Variants in RFX2 observed in about 807,000 individuals in gnomAD.
RFX2 encodes DNA-binding protein RFX2.
A neutral mutation model predicts 87.8 loss-of-function variants in RFX2; 20 were observed. The ratio of observed to expected loss-of-function variants is 0.23; its 90% confidence interval spans 0.16 to 0.33. The LOEUF is 0.33. RFX2 is among the 10% of genes least tolerant of loss of function. The pLI is 1.00. For missense variants in RFX2, 767 were observed against 1,012.3 expected (o/e 0.76, Z 3.29); for synonymous variants, 397 against 431.3 (o/e 0.92, Z 0.98).
intron 1 of RFX2, among the ~76,000 whole-genome samples, chr19:6,062,556 C>CG (rs2087451255): frequency 6.6e-6 from 1 of 152,160 alleles, no homozygotes; most frequent in African/African-American, 2.4e-5. Context: ...GTGGAGCTTC[C>CG]GTCTCTTTTC....
At chr19:6,071,164 A>G (rs2087601089) in intron 1 of RFX2, among the ~76,000 whole-genome samples, 1 of 152,260 alleles carries the variant, frequency 6.6e-6, no homozygotes, top group Non-Finnish European at 1.5e-5. Context: ...CTTAAATAAG[A>G]AAGTGTTAGA....
At position 6,041,658 on chromosome 19, in the gene RFX2, G is replaced by C. The variant is rs368957131; in HGVS notation, c.260+386C>G. On this transcript the variant is annotated intron_variant, in intron 4 of 17. Transcript: ENST00000303657. ...TTTTCTAAAAGTAAAAAGTACAAAA[G>C]TCTGTGATTTCTGAAATCTCCACAG... 3.0e-4 allele frequency among the ~76,000 whole-genome samples: 44 copies of C among 147,362 alleles called. No individual in the cohort carries two copies. In the East Asian group the frequency reaches 5.6e-3, roughly 19 times the overall value.
chr19:6,004,884 C>T lies in RFX2; in HGVS notation c.1403-586G>A, dbSNP rs1193993288. The stretch of plus-strand genomic sequence containing the variant: ...CTGTAGTCCCAGCACTTTGGGAGGC[C>T]GAGGTGGGCGGATCACCTGAGGTCC... On this transcript the variant is annotated intron_variant, in intron 12 of 17. Coordinates refer to ENST00000303657, the MANE Select transcript of RFX2 (RefSeq NM_000635.4). The surrounding 1 kb of genome is among the most constrained non-coding windows in gnomAD (Gnocchi z 4.8). Among the ~76,000 whole-genome samples, 6 of 151,848 alleles carry T rather than the reference C, an allele frequency of 4.0e-5. No homozygotes were observed. Among genetic ancestry groups the T allele is most frequent in the African/African-American group, 1.2e-4 (5 of 41,390 alleles).
At position 6,109,496 on chromosome 19, in the gene RFX2, A is replaced by G. The variant is rs1177835720; in HGVS notation, c.-9+897T>C. Reference sequence around the variant, plus strand: ...ACCAGCTTTTAGTTAAGGAATGAGAAAAAGGTTCCAGGGGTGCCCCCAAAT... The same window carrying G: ...ACCAGCTTTTAGTTAAGGAATGAGAGAAAGGTTCCAGGGGTGCCCCCAAAT... On this transcript the variant is annotated intron_variant, in intron 1 of 17. Transcript: ENST00000303657. The G allele has an allele frequency of 2.0e-5, 3 of 152,268 alleles. No homozygotes were observed. The East Asian group carries it at 5.8e-4, about 29-fold the overall frequency. The allele number at this position is 152,268 out of a possible 1,614,324, so 9.4% of individuals were successfully genotyped here.
rs550000087 is a variant in RFX2, at chr19:6,044,260, C to A, written c.113G>T (p.Ser38Ile). 5.7e-6 allele frequency: 9 copies of A among 1,566,712 alleles called. No homozygotes were observed. In the East Asian group the frequency reaches 1.7e-4, roughly 29 times the overall value. The change falls in exon 3 of 18, where the codon AGC becomes ATC. Residue 38 changes from serine (S) to isoleucine (I), a missense_variant. Ser to Ile is a moderately radical substitution (Grantham distance 142, BLOSUM62 -2). Transcript: ENST00000303657. This position sits in a 1 kb window ranked among gnomAD's most constrained non-coding sequence, Gnocchi z 5.3. ...CATCTGGGCCCCTTTGGGATTGGAG[C>A]TGGCTGCCTGGACCAACACCCTCTA... is the stretch of plus-strand genomic sequence containing the variant. ...SPQRVLVQAASSNPKGAQMQP... is the reference protein window; with the variant it reads ...SPQRVLVQAAISNPKGAQMQP...
At chr19:6,046,180 A>C (rs1043146871) in intron 2 of RFX2, among the ~76,000 whole-genome samples, 5 of 152,208 alleles carry the variant, frequency 3.3e-5, no homozygotes, top group African/African-American at 1.2e-4. Flanking sequence ...CCACGGTAGA[A>C]ATCCAGGAGC....
chr19:6,027,193 G>A lies in RFX2; in HGVS notation c.523-956C>T, dbSNP rs963336856. 6.6e-6 allele frequency: 1 copy of A among 152,264 alleles called. No individual in the cohort carries two copies. The highest frequency in any genetic ancestry group is 1.5e-5 in the Non-Finnish European group (1 of 68,056). The allele number at this position is 152,264 out of a possible 1,614,324, so 9.4% of individuals were successfully genotyped here. A position where few individuals can be genotyped will look rare whatever the true frequency, so the allele number is the denominator to read the frequency against. On this transcript the variant is annotated intron_variant, in intron 5 of 17. Coordinates refer to ENST00000303657, the MANE Select transcript of RFX2 (RefSeq NM_000635.4). This position sits in a 1 kb window ranked among gnomAD's most constrained non-coding sequence, Gnocchi z 5.0. Reference sequence around the variant, plus strand: ...GACACTTCTGCAAAGAGCAGGTTGAGTGTGTATTTCAGAGAGCAGGCGAGC... The same window carrying A: ...GACACTTCTGCAAAGAGCAGGTTGAATGTGTATTTCAGAGAGCAGGCGAGC...
chr19:6,103,931 T>C (rs2088168433), intron 1 of RFX2, among the ~76,000 whole-genome samples: 2 of 152,156 alleles, frequency 1.3e-5, no homozygotes, highest in African/African-American at 2.4e-5. Flanking sequence ...ATAATAATAA[T>C]AACAACAGTT....
intron 1 of RFX2, among the ~76,000 whole-genome samples, chr19:6,057,501 T>C (rs2087362812): frequency 6.6e-6 from 1 of 152,194 alleles, no homozygotes; most frequent in Non-Finnish European, 1.5e-5. Context: ...GTCACCTGCC[T>C]CACATAGTTC....
chr19:6,046,605 C>CTTTTTTTTTTTTTTTTTTTTTT, intron 2 of RFX2, among the ~76,000 whole-genome samples: 1 of 90,564 alleles, frequency 1.1e-5, no homozygotes, highest in Non-Finnish European at 2.3e-5. Flanking sequence ...GCCTTTTTGC[C>CTTTTTTTTTTTTTTTTTTTTTT]TTTTTTTTTT....
intron 1 of RFX2, chr19:6,057,369 G>C (rs1303541057): frequency 1.3e-5 from 2 of 152,376 alleles, no homozygotes; most frequent in Non-Finnish European, 2.9e-5. Context: ...GCAATGTCAG[G>C]AAAGGAAATG....
chr19:6,106,181 G>T (rs1271867294), intron 1 of RFX2, among the ~76,000 whole-genome samples: 1 of 152,010 alleles, frequency 6.6e-6, no homozygotes, highest in African/African-American at 2.4e-5. Flanking sequence ...AAGCAAGTAG[G>T]TGGTTTTCAG....
rs1599861839 is a variant in RFX2, at chr19:6,024,060, G to A, written c.597+2103C>T. Among the ~76,000 whole-genome samples, 1 of 152,144 alleles carries A rather than the reference G, an allele frequency of 6.6e-6. No individual in the cohort carries two copies. Among genetic ancestry groups the A allele is most frequent in the African/African-American group, 2.4e-5 (1 of 41,428 alleles). On this transcript the variant is annotated intron_variant, in intron 6 of 17. Coordinates refer to ENST00000303657, the MANE Select transcript of RFX2 (RefSeq NM_000635.4). The surrounding 1 kb of genome is among the most constrained non-coding windows in gnomAD (Gnocchi z 5.0). ...CTCCCAAACTGCTGGGATTACAGGC[G>A]TGAGCCACCGTGCCCAGCCCATTTT...
chr19:6,028,014 G>A (rs1358084449), intron 5 of RFX2, among the ~76,000 whole-genome samples: 4 of 151,954 alleles, frequency 2.6e-5, no homozygotes, highest in Non-Finnish European at 4.4e-5. Context: ...CGCCCACCTC[G>A]GCCTCCCAAA....
intron 6 of RFX2, among the ~76,000 whole-genome samples, chr19:6,019,512 ATGTGTGTGTGTGTG>A (rs147877773): frequency 1.6e-5 from 2 of 126,990 alleles, no homozygotes; most frequent in South Asian, 2.5e-4. Context: ...GTGTGTGAGT[ATGTGTGTGTGTGTG>A]TGTGTGTGTG....
chr19:6,099,740 G>A (rs1293012765), intron 1 of RFX2, among the ~76,000 whole-genome samples: 4 of 152,196 alleles, frequency 2.6e-5, no homozygotes, highest in Non-Finnish European at 5.9e-5. Flanking sequence ...ACCTGTCGAA[G>A]TGGCCTTGCA....
intron 5 of RFX2, among the ~76,000 whole-genome samples, chr19:6,035,850 G>GGTGT (rs34008943): frequency 0.013 from 1,743 of 137,210 alleles, 17 homozygotes; most frequent in South Asian, 0.045. Flanking sequence ...CTTGGTGGGG[G>GGTGT]GTGTGTGTGT....
At chr19:6,060,652 C>T (rs948363126) in intron 1 of RFX2, among the ~76,000 whole-genome samples, 7 of 152,146 alleles carry the variant, frequency 4.6e-5, no homozygotes, top group East Asian at 1.9e-4. Flanking sequence ...GAGGTCCTCA[C>T]GGGGCAGTTT....
Position 6,105,762 on chromosome 19 carries a change from T to C in RFX2, c.-9+4631A>G, listed in dbSNP as rs542619298. Among the ~76,000 whole-genome samples the C allele has an allele frequency of 2.0e-5, 3 of 152,114 alleles. No homozygotes were observed. In the South Asian group the frequency reaches 6.2e-4, roughly 32 times the overall value. ...AGGTGGAGTCAACAGGATTTGCTGATGGCTTGGGAGAGAGGAGTCAAGGAC... is the reference window on the plus strand; with the variant it reads ...AGGTGGAGTCAACAGGATTTGCTGACGGCTTGGGAGAGAGGAGTCAAGGAC... On this transcript the variant is annotated intron_variant, in intron 1 of 17. Transcript: ENST00000303657.
Sources: gnomAD v4.1 joint callset for allele counts (sites outside exome capture counted in the v4.1 genomes callset) on GRCh38, gnomAD v4.1.1 for gene constraint, Gnocchi (gnomAD v3.1) non-coding constraint, MANE v1.5 for transcripts, NCBI Gene and HGNC (gene_info 2026-07-23, HGNC 2026-07-21) for gene names.